The following SENP5 variants were observed in gnomAD, a reference collection of about 807,000 sequenced individuals.
The protein encoded by SENP5 is SUMO specific peptidase 5, also known as sentrin-specific protease 5.
SENP5 carries 21 observed loss-of-function variants against 74.2 expected under a neutral mutation model. The ratio of observed to expected loss-of-function variants is 0.28; its 90% CI spans 0.20 to 0.41. SENP5 has a LOEUF of 0.41. Among genes scored for constraint, SENP5 ranks in the 10% least tolerant of loss-of-function variants. SENP5 has a pLI of 1.00. For synonymous variants in SENP5, 311 were observed against 312.7 expected, an observed-to-expected ratio of 0.99 and a Z score of 0.06; for missense variants, 717 against 889.1, an observed-to-expected ratio of 0.81 and a Z score of 2.46.
At chr3:196,898,392 T>TC (rs1014748121) in intron 2 of SENP5, among the ~76,000 whole-genome samples, 1 of 151,206 alleles carries the variant, frequency 6.6e-6, no homozygotes, top group African/African-American at 2.4e-5. Context: ...GGCCAGAAGT[T>TC]CAAGACCAGC....
chr3:196,930,765 A>G (rs762417162), intron 9 of SENP5, 48 bp from the exon 10 acceptor site: 7 of 1,186,948 alleles, frequency 5.9e-6, no homozygotes, highest in Non-Finnish European at 8.8e-6. Context: ...GGGCTGGTCC[A>G]CAACTCCAAG....
chr3:196,929,305 G>C (rs1179966642), intron 8 of SENP5: 2 of 257,942 alleles, frequency 7.8e-6, no homozygotes, highest in Non-Finnish European at 1.5e-5. Flanking sequence ...GTTCTCCCAG[G>C]CACAGTTCCA....
intron 6 of SENP5, among the ~76,000 whole-genome samples, chr3:196,916,527 C>CTTTTT: frequency 7.0e-6 from 1 of 143,380 alleles, no homozygotes; most frequent in South Asian, 2.3e-4. Context: ...AAGAGATTGA[C>CTTTTT]TTTTTTTTTT....
At chr3:196,897,102 A>G (rs746873989) in intron 2 of SENP5, among the ~76,000 whole-genome samples, 1 of 152,224 alleles carries the variant, frequency 6.6e-6, no homozygotes, top group African/African-American at 2.4e-5. Context: ...TCACATCCAT[A>G]TCCCATTGTG....
At chr3:196,907,833 T>C (rs1056059820) in intron 6 of SENP5, among the ~76,000 whole-genome samples, 2 of 152,076 alleles carry the variant, frequency 1.3e-5, no homozygotes, top group Admixed American at 1.3e-4. Context: ...CTGGGCTGCA[T>C]GCTGCCCGTG....
rs1234972418 is a variant in SENP5 at position 196,886,180 on chromosome 3, C to A, written c.999C>A (p.Phe333Leu). ...VPDCHTKGSSFLGKELSLDEA... is the reference protein window; with the variant it reads ...VPDCHTKGSSLLGKELSLDEA... ...ATTGCCACACTAAAGGAAGCTCTTTCTTGGGCAAGGAGCTTAGTTTAGACG... is the reference window on the plus strand; with the variant it reads ...ATTGCCACACTAAAGGAAGCTCTTTATTGGGCAAGGAGCTTAGTTTAGACG... The change falls in exon 2 of 10, where the codon TTC becomes TTA. Residue 333 changes from phenylalanine to leucine, a missense_variant. By Grantham distance (22) the Phe-to-Leu change is conservative. This residue lies in a region of SENP5 where 567 missense variants were observed against 577.4 expected (regional missense o/e 0.98). Coordinates refer to ENST00000323460, the MANE Select transcript of SENP5 (RefSeq NM_152699.5). The A allele has an allele frequency of 1.2e-6, 2 of 1,614,094 alleles. No individual in the cohort carries two copies. The highest frequency in any genetic ancestry group is 1.7e-5 in the Admixed American group (1 of 60,002).
At chr3:196,880,040 G>T (rs776871296) in intron 1 of SENP5, among the ~76,000 whole-genome samples, 3 of 151,808 alleles carry the variant, frequency 2.0e-5, no homozygotes, top group Non-Finnish European at 4.4e-5. Context: ...CTGCCTCCTG[G>T]GTTCAAGTGA....
At position 196,915,498 on chromosome 3, in the gene SENP5, G is replaced by A. The variant is rs1050394151; in HGVS notation, c.1885-7916G>A. ...GAACCTACTGGCCCTGAAGGGAAGGGCCCAGTCTTGGAAGAATTTACCACC... is the reference window on the plus strand; with the variant it reads ...GAACCTACTGGCCCTGAAGGGAAGGACCCAGTCTTGGAAGAATTTACCACC... On this transcript the variant is annotated intron_variant, in intron 6 of 9. Coordinates refer to ENST00000323460, the MANE Select transcript of SENP5 (RefSeq NM_152699.5). 5.9e-5 allele frequency among the ~76,000 whole-genome samples: 9 copies of A among 152,280 alleles called. No homozygotes were observed. The East Asian group carries it at 1.2e-3, about 20-fold the overall frequency.
intron 1 of SENP5, among the ~76,000 whole-genome samples, chr3:196,874,497 GTTCT>G (rs1359847385): frequency 6.6e-6 from 1 of 151,972 alleles, no homozygotes; most frequent in African/African-American, 2.4e-5. Context: ...TTAGAAACCT[GTTCT>G]AGCTTTGCTG....
At position 196,885,550 on chromosome 3, in the gene SENP5, A is replaced by G. The variant is rs1713921341; in HGVS notation, c.369A>G (p.Ala123=). 2 of 1,614,048 alleles carry G rather than the reference A, an allele frequency of 1.2e-6. No individual in the cohort carries two copies. The highest frequency in any genetic ancestry group is 1.7e-5 in the Admixed American group (1 of 60,008). The change falls in exon 2 of 10, where the codon GCA becomes GCG. Residue 123 remains alanine (A), a synonymous_variant. Transcript: ENST00000323460. ...AAGCAGAGAAGCTGTTGTCATCAGC[A>G]AAGAATTCTGACCATGAATACTGCA... ...RLQAEKLLSS[A]KNSDHEYCRE...
intron 2 of SENP5, among the ~76,000 whole-genome samples, chr3:196,892,007 G>A (rs1490601678): frequency 1.3e-5 from 2 of 151,802 alleles, no homozygotes; most frequent in Non-Finnish European, 2.9e-5. Flanking sequence ...AGCCAGGATG[G>A]TCTCAATCTC....
At chr3:196,868,798 G>C (rs1713062983) in intron 1 of SENP5, among the ~76,000 whole-genome samples, 1 of 152,080 alleles carries the variant, frequency 6.6e-6, no homozygotes, top group South Asian at 2.1e-4. Context: ...GAAGAAAGCA[G>C]ACGTTAGTTA....
At chr3:196,930,310 T>C (rs1010433170) in intron 9 of SENP5, among the ~76,000 whole-genome samples, 1 of 152,164 alleles carries the variant, frequency 6.6e-6, no homozygotes, top group African/African-American at 2.4e-5. Flanking sequence ...AGGTTGCACT[T>C]TGGGAGGAAT....
chr3:196,914,747 A>G (rs1202460760), intron 6 of SENP5, among the ~76,000 whole-genome samples: 7 of 151,494 alleles, frequency 4.6e-5, no homozygotes, highest in African/African-American at 1.2e-4. Context: ...TTGAACAACT[A>G]TCCATGCAAC....
At chr3:196,913,036 A>G (rs1306551112) in intron 6 of SENP5, 1 of 152,236 alleles carries the variant, frequency 6.6e-6, no homozygotes, top group Non-Finnish European at 1.5e-5. Flanking sequence ...ATAATGACCA[A>G]TCTTTATGCA....
chr3:196,925,167 GT>G (rs11304524), intron 7 of SENP5, among the ~76,000 whole-genome samples: 32,700 of 146,684 alleles, frequency 0.22, 3,650 homozygotes, highest in African/African-American at 0.28. Context: ...CTCATTTTGC[GT>G]TTTTTTTTTT....
In SENP5 at chr3:196,898,273, A is replaced by G. The variant is rs149767257; in HGVS notation, c.1514-1393A>G. On this transcript the variant is annotated intron_variant, in intron 2 of 9. Coordinates refer to ENST00000323460, the MANE Select transcript of SENP5 (RefSeq NM_152699.5). ...ATCATTCAGGGATATATATAAGCAC[A>G]TATACATGTTACTTACATTTACCTG... Among the ~76,000 whole-genome samples, 86 of 151,912 alleles carry G rather than the reference A, an allele frequency of 5.7e-4. 1 individual carries two copies. In the East Asian group the frequency reaches 0.014, roughly 24 times the overall value.
At chr3:196,901,004 G>A (rs1476495405) in intron 5 of SENP5, among the ~76,000 whole-genome samples, 1 of 151,448 alleles carries the variant, frequency 6.6e-6, no homozygotes, top group Non-Finnish European at 1.5e-5. Flanking sequence ...GGGGAGATGT[G>A]CAAAAGGGAC....
At chr3:196,904,091 C>T (rs1216696808) in intron 6 of SENP5, among the ~76,000 whole-genome samples, 1 of 152,194 alleles carries the variant, frequency 6.6e-6, no homozygotes, top group African/African-American at 2.4e-5. Flanking sequence ...CTTATACATA[C>T]ATGTAATTGA....
Sources: gnomAD v4.1 joint callset for allele counts (sites outside exome capture counted in the v4.1 genomes callset) on GRCh38, gnomAD v4.1.1 for gene constraint, gnomAD v4.1.1 regional missense constraint, MANE v1.5 for transcripts, NCBI Gene and HGNC (gene_info 2026-07-23, HGNC 2026-07-21) for gene names.